Variants in ZCCHC2 observed in about 807,000 individuals in gnomAD.
The protein encoded by ZCCHC2 is zinc finger CCHC domain-containing protein 2.
ZCCHC2 carries 39 observed loss-of-function variants against 103.6 expected under a neutral mutation model. The ratio of observed to expected loss-of-function variants is 0.38; its 90% CI spans 0.29 to 0.49. The LOEUF (loss-of-function observed/expected upper bound fraction) is 0.49. Among genes scored for constraint, ZCCHC2 ranks in the 20% least tolerant of loss-of-function variants. The pLI is 0.96. For missense variants in ZCCHC2, 1,483 were observed against 1,491.0 expected, an observed-to-expected ratio of 0.99 and a Z score of 0.09; for synonymous variants, 687 against 608.9, an observed-to-expected ratio of 1.13 and a Z score of -1.89.
chr18:62,575,137 G>A lies in ZCCHC2; in HGVS notation c.3056G>A (p.Cys1019Tyr). Reference protein sequence around the residue: ...SGPCGSCGRRCSCGTNGNLQL... With the variant: ...SGPCGSCGRRYSCGTNGNLQL... ...CCTTGTGGTTCTTGTGGGCGAAGGT[G>A]CAGCTGTGGGACCAATGGAAACCTT... The change falls in exon 13 of 14, where the codon TGC (cysteine) becomes TAC (tyrosine). Residue 1019 changes from cysteine (C) to tyrosine (Y), a missense_variant. This residue lies in a region of ZCCHC2 where 884 missense variants were observed against 907.5 expected (regional missense o/e 0.97). Coordinates refer to ENST00000269499, the MANE Select transcript of ZCCHC2 (RefSeq NM_017742.6). The A allele has an allele frequency of 6.2e-7, 1 of 1,614,018 alleles. No individual in the cohort carries two copies. Among genetic ancestry groups the A allele is most frequent in the Admixed American group, 1.7e-5 (1 of 60,022 alleles).
At chr18:62,535,907 C>A (rs35331358) in intron 1 of ZCCHC2, among the ~76,000 whole-genome samples, 28,810 of 152,112 alleles carry the variant, frequency 0.19, 3,441 homozygotes, top group Non-Finnish European at 0.27. Flanking sequence ...AAGTTAGTGA[C>A]TTTGGTTTTA....
At chr18:62,559,156 A>T (rs1916015789) in intron 7 of ZCCHC2, among the ~76,000 whole-genome samples, 1 of 152,242 alleles carries the variant, frequency 6.6e-6, no homozygotes, top group Non-Finnish European at 1.5e-5. Context: ...AAAGTAGAGC[A>T]TGACCACGGT....
In ZCCHC2 at chr18:62,524,449, C is replaced by G. The variant is rs780804711; in HGVS notation, c.939+86C>G. The G allele has an allele frequency of 7.8e-6, 11 of 1,404,012 alleles. No homozygotes were observed. In the Admixed American group the frequency reaches 3.3e-4, roughly 42 times the overall value. 87.0% of individuals were successfully genotyped at this position (1,404,012 alleles called of 1,614,324 possible). A position where few individuals can be genotyped will look rare whatever the true frequency, so the allele number is the denominator to read the frequency against. On this transcript the variant is annotated intron_variant, in intron 1 of 13. Transcript: ENST00000269499. ...GCCTCGCTCTCGGACGCCCCTTGCCCGAGCCCCAGCCCGGCGCAGGTGGCT... is the reference window on the plus strand; with the variant it reads ...GCCTCGCTCTCGGACGCCCCTTGCCGGAGCCCCAGCCCGGCGCAGGTGGCT...
intron 6 of ZCCHC2, among the ~76,000 whole-genome samples, chr18:62,558,256 A>G (rs1318189165): frequency 2.0e-5 from 3 of 152,228 alleles, no homozygotes; most frequent in African/African-American, 4.8e-5. Flanking sequence ...GAGAACAGAA[A>G]TTGAGAGCAG....
chr18:62,575,668 A>T (rs991986483), intron 13 of ZCCHC2, 118 bp downstream of exon 13: 2 of 1,266,508 alleles, frequency 1.6e-6, no homozygotes, highest in Non-Finnish European at 2.2e-6. Context: ...TCGTTTATGG[A>T]TATTGTTTTC....
At chr18:62,573,807 C>T (rs1916684533) in intron 12 of ZCCHC2, among the ~76,000 whole-genome samples, 1 of 152,198 alleles carries the variant, frequency 6.6e-6, no homozygotes, top group African/African-American at 2.4e-5. Flanking sequence ...TACTATGTTT[C>T]ATTCAGACTC....
chr18:62,548,621 T>A (rs1183602869), intron 4 of ZCCHC2, among the ~76,000 whole-genome samples: 3 of 152,172 alleles, frequency 2.0e-5, no homozygotes, highest in Admixed American at 2.0e-4. Flanking sequence ...AATGAGGGAT[T>A]TCTTTGTTTG....
At chr18:62,544,765 G>A (rs1344958283) in intron 3 of ZCCHC2, 37 bp from the exon 4 acceptor site, 2 of 1,504,400 alleles carry the variant, frequency 1.3e-6, no homozygotes, top group South Asian at 1.3e-5. Flanking sequence ...CCTGCCTAGG[G>A]AATAACCATA....
At chr18:62,544,643 C>T (rs1221517174) in intron 3 of ZCCHC2, among the ~76,000 whole-genome samples, 159 bp from the exon 4 acceptor site, 2 of 152,094 alleles carry the variant, frequency 1.3e-5, no homozygotes, top group African/African-American at 4.8e-5. Context: ...GTTAATTTTA[C>T]TAATTTTGAA....
At chr18:62,524,563 A>G in intron 1 of ZCCHC2, 200 bp downstream of exon 1, 3 of 696,396 alleles carry the variant, frequency 4.3e-6, no homozygotes, top group South Asian at 2.9e-5. Context: ...CCCACCCCAC[A>G]CCCCGGCAGA....
At chr18:62,544,059 T>C (rs1482279208) in intron 3 of ZCCHC2, among the ~76,000 whole-genome samples, 1 of 152,226 alleles carries the variant, frequency 6.6e-6, no homozygotes, top group Non-Finnish European at 1.5e-5. Flanking sequence ...GCCTAGACAG[T>C]AGCATAGTGC....
In ZCCHC2 at chr18:62,523,553, CCCGCCG is replaced by C. The variant is rs563687016; in HGVS notation, c.144_149del (p.Pro49_Pro50del). On this transcript the variant is annotated inframe_deletion, in exon 1 of 14. Transcript: ENST00000269499. ...CGCGCCGCCGCCGCGACTGCCGCCC[CCCGCCG>C]CCGCCGCCGCCGCCCGCGGGCCCGT... 698 of 932,812 alleles carry C rather than the reference CCCGCCG, an allele frequency of 7.5e-4. No homozygotes were observed. Among genetic ancestry groups the C allele is most frequent in the South Asian group, 4.1e-3 (83 of 20,056 alleles). 57.8% of individuals were successfully genotyped at this position (932,812 alleles called of 1,614,324 possible).
chr18:62,550,459 A>G lies in ZCCHC2; in HGVS notation c.1312A>G (p.Arg438Gly). Residue 438 changes from arginine (R) to glycine (G), a missense_variant and splice_region_variant, in exon 5 of 14, where the codon AGG (arginine) becomes GGG (glycine). Transcript: ENST00000269499. ...RRHPDLEPILRQLFSSSSQAF... is the reference protein window; with the variant it reads ...RRHPDLEPILGQLFSSSSQAF... ...ACATCCTGACCTAGAGCCCATCCTAAGGTAATGATTTACCTGACGCCTATC... is the reference window on the plus strand; with the variant it reads ...ACATCCTGACCTAGAGCCCATCCTAGGGTAATGATTTACCTGACGCCTATC... The G allele has an allele frequency of 6.2e-7, 1 of 1,611,636 alleles. No homozygotes were observed. Among genetic ancestry groups the G allele is most frequent in the Admixed American group, 1.7e-5 (1 of 59,808 alleles).
In ZCCHC2 at chr18:62,574,571, C is replaced by T. The variant is rs1360448438; in HGVS notation, c.2490C>T (p.Asn830=). ...PQGSSESCTV[N]IPQQPPGSLS... ...GATCTTCTGAGAGCTGCACAGTTAA[C>T]ATCCCACAACAACCACCCGGAAGCC... is the stretch of plus-strand genomic sequence containing the variant. The change falls in exon 13 of 14, where the codon AAC becomes AAT. Residue 830 remains asparagine, a synonymous_variant. Coordinates refer to ENST00000269499, the MANE Select transcript of ZCCHC2 (RefSeq NM_017742.6). 3 of 1,613,866 alleles carry T rather than the reference C, an allele frequency of 1.9e-6. No individual in the cohort carries two copies. The highest frequency in any genetic ancestry group is 2.5e-6 in the Non-Finnish European group (3 of 1,179,902).
intron 1 of ZCCHC2, among the ~76,000 whole-genome samples, chr18:62,537,406 T>C (rs1914976919): frequency 6.6e-6 from 1 of 152,196 alleles, no homozygotes; most frequent in Non-Finnish European, 1.5e-5. Flanking sequence ...ACTTGCCTTA[T>C]GTGATCCTCC....
At position 62,575,372 on chromosome 18, in the gene ZCCHC2, C is replaced by T. The variant is rs781700329; in HGVS notation, c.3291C>T (p.Gly1097=). ...DPVMGSQANY[G]MQQMAGFGRF... is the part of the protein sequence containing the mutation. Reference sequence around the variant, plus strand: ...TCATGGGGAGCCAAGCCAACTATGGCATGCAGCAGATGGCAGGATTTGGGA... The same window carrying T: ...TCATGGGGAGCCAAGCCAACTATGGTATGCAGCAGATGGCAGGATTTGGGA... The change falls in exon 13 of 14, where the codon GGC becomes GGT. Residue 1097 remains glycine, a synonymous_variant. Transcript: ENST00000269499. 6.8e-6 allele frequency: 11 copies of T among 1,613,822 alleles called. No homozygotes were observed. The Admixed American group carries it at 8.3e-5, about 12-fold the overall frequency.
intron 4 of ZCCHC2, among the ~76,000 whole-genome samples, chr18:62,545,294 G>T (rs767410491): frequency 1.3e-5 from 2 of 152,052 alleles, no homozygotes; most frequent in Non-Finnish European, 2.9e-5. Flanking sequence ...GCTTGCAAAG[G>T]GACTTCTTAG....
chr18:62,570,006 A>G, intron 11 of ZCCHC2, 97 bp from the exon 12 acceptor site: 1 of 1,249,476 alleles, frequency 8.0e-7, no homozygotes, highest in Non-Finnish European at 1.1e-6. Context: ...GGGGAAACTG[A>G]AGAAAATATA....
chr18:62,530,313 A>C (rs558380337), intron 1 of ZCCHC2, among the ~76,000 whole-genome samples: 1 of 152,324 alleles, frequency 6.6e-6, no homozygotes, highest in Admixed American at 6.5e-5. Context: ...CAGGCCACTT[A>C]AATCCCTGAG....
Sources: allele counts gnomAD v4.1 joint callset (sites outside exome capture counted in the v4.1 genomes callset), GRCh38; gene constraint gnomAD v4.1.1; regional missense constraint gnomAD v4.1.1; transcripts MANE v1.5; gene names NCBI Gene and HGNC (gene_info 2026-07-23, HGNC 2026-07-21).